The following JAKMIP1 variants were observed in gnomAD, a reference collection of about 807,000 sequenced individuals.
JAKMIP1 encodes janus kinase and microtubule interacting protein 1.
JAKMIP1 carries 33 observed loss-of-function variants against 113.0 expected under a neutral mutation model. The observed-to-expected ratio is 0.29, with a 90% CI of 0.22 to 0.39. JAKMIP1 has a LOEUF of 0.39. JAKMIP1 is among the 10% of genes least tolerant of loss of function. The pLI is 1.00. For missense variants in JAKMIP1, 813 were observed against 1,080.5 expected, an observed-to-expected ratio of 0.75 and a Z score of 3.47; for synonymous variants, 480 against 459.9, an observed-to-expected ratio of 1.04 and a Z score of -0.56.
intron 12 of JAKMIP1, among the ~76,000 whole-genome samples, chr4:6,055,826 T>C (rs1716327688): frequency 6.8e-6 from 1 of 146,264 alleles, no homozygotes; most frequent in South Asian, 2.2e-4. Flanking sequence ...AGGCCAGCCC[T>C]CCCCATCTCT....
intron 16 of JAKMIP1, among the ~76,000 whole-genome samples, chr4:6,043,766 A>G (rs1714651785): frequency 9.7e-6 from 1 of 103,240 alleles, no homozygotes; most frequent in Non-Finnish European, 1.9e-5. Flanking sequence ...CCCCCCAGCC[A>G]GCAAGTTCCC....
chr4:6,087,270 C>T (rs889731315), intron 3 of JAKMIP1, among the ~76,000 whole-genome samples: 1 of 151,364 alleles, frequency 6.6e-6, no homozygotes, highest in Non-Finnish European at 1.5e-5. Context: ...ACCCCCCAAC[C>T]CTGACCATAT....
Position 6,056,907 on chromosome 4 carries a change from G to A in JAKMIP1, c.1645-148C>T, listed in dbSNP as rs1247851225. ...GCCGTGATGTGCCCTCATTGTCCCTGTCCACTTTTAAACCCCAAAAAGAGA... is the reference window on the plus strand; with the variant it reads ...GCCGTGATGTGCCCTCATTGTCCCTATCCACTTTTAAACCCCAAAAAGAGA... On this transcript the variant is annotated intron_variant, in intron 11 of 20. Transcript: ENST00000409021. The A allele has an allele frequency of 6.3e-6, 4 of 634,800 alleles. No individual in the cohort carries two copies. The East Asian group carries it at 1.1e-4, about 18-fold the overall frequency. The allele number at this position is 634,800 out of a possible 1,614,324, so 39.3% of individuals were successfully genotyped here.
Position 6,197,420 on chromosome 4 carries a change from T to G in JAKMIP1, c.-148+2833A>C, listed in dbSNP as rs565845831. ...GCTTCTTCACCATCATCACCCCTCA[T>G]AAATCGGCTACCTTTGCTCAGAGAC... On this transcript the variant is annotated intron_variant, in intron 1 of 20. Coordinates refer to ENST00000409021, the MANE Select transcript of JAKMIP1 (RefSeq NM_001099433.2). The surrounding 1 kb of genome is among the most constrained non-coding windows in gnomAD (Gnocchi z 6.5). Among the ~76,000 whole-genome samples, 24 of 152,292 alleles carry G rather than the reference T, an allele frequency of 1.6e-4. No homozygotes were observed. Among genetic ancestry groups the G allele is most frequent in the Non-Finnish European group, 3.4e-4 (23 of 68,020 alleles).
Position 6,141,023 on chromosome 4 carries a change from C to A in JAKMIP1, c.-147-28026G>T, listed in dbSNP as rs1440007965. ...AGCCCTGTGGGCCAGGCATCTGGGA[C>A]CTGTAACCTCAGCAGCCAGCATGGG... On this transcript the variant is annotated intron_variant, in intron 1 of 20. Coordinates refer to ENST00000409021, the MANE Select transcript of JAKMIP1 (RefSeq NM_001099433.2). This position sits in a 1 kb window ranked among gnomAD's most constrained non-coding sequence, Gnocchi z 9.4. 6.6e-6 allele frequency among the ~76,000 whole-genome samples: 1 copy of A among 152,200 alleles called. No homozygotes were observed. The highest frequency in any genetic ancestry group is 1.5e-5 in the Non-Finnish European group (1 of 68,044).
intron 3 of JAKMIP1, among the ~76,000 whole-genome samples, chr4:6,102,722 CTTTTTTTTTTTTTTT>C (rs1191358910): frequency 6.5e-4 from 33 of 50,838 alleles, no homozygotes; most frequent in African/African-American, 2.5e-3. Flanking sequence ...TCTCTAAAGA[CTTTTTTTTTTTTTTT>C]TTTTTTTTTT....
At chr4:6,068,503 G>C (rs1718489082) in intron 8 of JAKMIP1, among the ~76,000 whole-genome samples, 1 of 151,798 alleles carries the variant, frequency 6.6e-6, no homozygotes, top group Non-Finnish European at 1.5e-5. Flanking sequence ...GCAACGAGTT[G>C]TCTGGGACCC....
chr4:6,035,192 C>T (rs533081968), intron 19 of JAKMIP1, among the ~76,000 whole-genome samples: 1 of 152,156 alleles, frequency 6.6e-6, no homozygotes, highest in Admixed American at 6.5e-5. Context: ...ACATCCCTCC[C>T]CACTGGTAAT....
Position 6,183,506 on chromosome 4 carries a change from A to AAATAAATAAATAAATTAATT in JAKMIP1, c.-148+16746_-148+16747insAATTAATTTATTTATTTATT, listed in dbSNP as rs1239214147. Among the ~76,000 whole-genome samples, 7 of 151,284 alleles carry AAATAAATAAATAAATTAATT rather than the reference A, an allele frequency of 4.6e-5. No homozygotes were observed. In the South Asian group the frequency reaches 1.0e-3, roughly 22 times the overall value. Reference sequence around the variant, plus strand: ...TAAATAAATAAATAAATAAATAAATAAATTTAAAAAAGAAAGTAAAATGGA... The same window carrying AAATAAATAAATAAATTAATT: ...TAAATAAATAAATAAATAAATAAATAAATAAATAAATAAATTAATTAATTTAAAAAAGAAAGTAAAATGGA... On this transcript the variant is annotated intron_variant, in intron 1 of 20. Transcript: ENST00000409021. The surrounding 1 kb of genome is among the most constrained non-coding windows in gnomAD (Gnocchi z 5.3).
intron 1 of JAKMIP1, among the ~76,000 whole-genome samples, chr4:6,148,859 T>TG (rs1721204260): frequency 6.6e-6 from 1 of 152,176 alleles, no homozygotes; most frequent in South Asian, 2.1e-4. Flanking sequence ...AATGGACAGA[T>TG]GGACATCCAC....
At chr4:6,113,696 G>A (rs1051026445) in intron 1 of JAKMIP1, among the ~76,000 whole-genome samples, 2 of 152,166 alleles carry the variant, frequency 1.3e-5, no homozygotes, top group African/African-American at 4.8e-5. Flanking sequence ...CCTAATCACC[G>A]CCCCAAGCTG....
At chr4:6,078,110 GAGA>G (rs1411105269) in intron 8 of JAKMIP1, among the ~76,000 whole-genome samples, 3 of 152,092 alleles carry the variant, frequency 2.0e-5, no homozygotes, top group Non-Finnish European at 2.9e-5. Context: ...ATAAAAAGGA[GAGA>G]AGACCAGCCT....
chr4:6,170,911 C>T (rs1045428562), intron 1 of JAKMIP1, among the ~76,000 whole-genome samples: 36 of 151,104 alleles, frequency 2.4e-4, no homozygotes, highest in East Asian at 2.0e-4. Context: ...TCACCATCAC[C>T]GCCACCACCT....
chr4:6,085,683 T>A, intron 3 of JAKMIP1, 54 bp from the exon 4 acceptor site: 1 of 1,554,096 alleles, frequency 6.4e-7, no homozygotes. Context: ...ACCAAGGAAA[T>A]CTCTCCCCAA....
At position 6,049,768 on chromosome 4, in the gene JAKMIP1, A is replaced by T; in HGVS notation, c.1962+51T>A. 1 of 1,326,582 alleles carries T rather than the reference A, an allele frequency of 7.5e-7. No individual in the cohort carries two copies. The highest frequency in any genetic ancestry group is 1.1e-6 in the Non-Finnish European group (1 of 919,530). The allele number at this position is 1,326,582 out of a possible 1,614,324, so 82.2% of individuals were successfully genotyped here. A position where few individuals can be genotyped will look rare whatever the true frequency, so the allele number is the denominator to read the frequency against. The stretch of plus-strand genomic sequence containing the variant: ...ACAAAACAAAAGTCACACAGAATAC[A>T]CCCAGATCAAAACAAGAACACGAAA... On this transcript the variant is annotated intron_variant, in intron 15 of 20. Transcript: ENST00000409021. This position sits in a 1 kb window ranked among gnomAD's most constrained non-coding sequence, Gnocchi z 7.0.
At chr4:6,057,223 C>G (rs1716598914) in intron 11 of JAKMIP1, among the ~76,000 whole-genome samples, 1 of 152,246 alleles carries the variant, frequency 6.6e-6, no homozygotes, top group African/African-American at 2.4e-5. Flanking sequence ...CCAAGTCCGT[C>G]TTGTCGCTGT....
chr4:6,182,601 T>G (rs927928915), intron 1 of JAKMIP1, among the ~76,000 whole-genome samples: 11 of 152,120 alleles, frequency 7.2e-5, no homozygotes, highest in African/African-American at 2.7e-4. Context: ...ACTTCCAGCC[T>G]CCAGAACGGT....
intron 3 of JAKMIP1, among the ~76,000 whole-genome samples, chr4:6,104,711 C>T (rs1047076141): frequency 1.3e-5 from 2 of 151,878 alleles, no homozygotes; most frequent in African/African-American, 4.8e-5. Flanking sequence ...TTGTGGCGGG[C>T]CCCCTCCCTT....
At chr4:6,034,529 C>G (rs1046068687) in intron 19 of JAKMIP1, among the ~76,000 whole-genome samples, 1 of 152,132 alleles carries the variant, frequency 6.6e-6, no homozygotes, top group Non-Finnish European at 1.5e-5. Context: ...TTGATGGGCA[C>G]GGTGGCTCAC....
Sources: gnomAD v4.1 joint callset for allele counts (sites outside exome capture counted in the v4.1 genomes callset) on GRCh38, gnomAD v4.1.1 for gene constraint, Gnocchi (gnomAD v3.1) non-coding constraint, MANE v1.5 for transcripts, NCBI Gene and HGNC (gene_info 2026-07-23, HGNC 2026-07-21) for gene names.